The following MAP6 variants were observed in gnomAD, a reference collection of about 807,000 sequenced individuals.
MAP6 encodes the protein microtubule-associated protein 6.
MAP6 carries 26 observed loss-of-function variants against 42.4 expected under a neutral mutation model. The observed-to-expected ratio is 0.61, with a 90% CI of 0.45 to 0.85. The LOEUF (loss-of-function observed/expected upper bound fraction) is 0.85, where lower values mean the gene tolerates loss of function less well. MAP6 is among the 40% of genes least tolerant of loss of function. MAP6 has a pLI of 0.00. For synonymous variants in MAP6, 418 were observed against 443.8 expected, an observed-to-expected ratio of 0.94 and a Z score of 0.73; for missense variants, 966 against 1,099.0, an observed-to-expected ratio of 0.88 and a Z score of 1.71.
chr11:75,667,937 G>C lies in MAP6; in HGVS notation c.433C>G (p.Pro145Ala). ...PSCRPRSEYQ[P>A]SDAPFERETQ... ...TCGCGCTCGAAGGGAGCGTCGGAGG[G>C]CTGGTATTCGCTGCGCGGCCGGCAG... The change falls in exon 1 of 4, where the codon CCC becomes GCC. Residue 145 changes from proline to alanine, a missense_variant. Around this residue, in one of 2 missense-constraint regions of MAP6, gnomAD observed 943 missense variants for 1,049.9 expected, o/e 0.90. Coordinates refer to ENST00000304771, the MANE Select transcript of MAP6 (RefSeq NM_033063.2). This position sits in a 1 kb window ranked among gnomAD's most constrained non-coding sequence, Gnocchi z 5.6. 7.4e-7 allele frequency: 1 copy of C among 1,358,518 alleles called. No homozygotes were observed. Among genetic ancestry groups the C allele is most frequent in the Non-Finnish European group, 9.5e-7 (1 of 1,049,464 alleles). The allele number at this position is 1,358,518 out of a possible 1,614,324, so 84.2% of individuals were successfully genotyped here.
At chr11:75,638,386 C>T (rs955002804) in intron 1 of MAP6, 4 of 152,178 alleles carry the variant, frequency 2.6e-5, no homozygotes, top group Admixed American at 2.0e-4. Context: ...CTAAGGACTC[C>T]GCACTGCCCT....
At position 75,591,447 on chromosome 11, in the gene MAP6, AG is replaced by A. The variant is rs543384410; in HGVS notation, c.1317-3264del. ...CACTGACTGGTCCTCACATGGTTCC[AG>A]TTGCCTGCCAGTCTCCCATCTGTAA... On this transcript the variant is annotated intron_variant, in intron 3 of 3. Transcript: ENST00000304771. Among the ~76,000 whole-genome samples the A allele has an allele frequency of 1.1e-4, 16 of 152,348 alleles. 1 individual carries two copies. In the South Asian group the frequency reaches 3.1e-3, roughly 30 times the overall value.
intron 1 of MAP6, among the ~76,000 whole-genome samples, chr11:75,609,725 T>G (rs1489491127): frequency 2.6e-5 from 4 of 152,234 alleles, no homozygotes; most frequent in Non-Finnish European, 5.9e-5. Flanking sequence ...TTAGGGGAAC[T>G]GGCTCATATG....
At chr11:75,659,121 G>T (rs1280525515) in intron 1 of MAP6, among the ~76,000 whole-genome samples, 3 of 152,210 alleles carry the variant, frequency 2.0e-5, no homozygotes, top group African/African-American at 7.2e-5. Context: ...ATATTAATAT[G>T]ACATGCAGGA....
intron 3 of MAP6, among the ~76,000 whole-genome samples, chr11:75,596,893 AGAG>A (rs1565254051): frequency 1.3e-5 from 2 of 152,244 alleles, no homozygotes; most frequent in Admixed American, 1.3e-4. Context: ...AGCGAGGGAC[AGAG>A]GAGGAGGCTG....
intron 1 of MAP6, among the ~76,000 whole-genome samples, chr11:75,628,626 G>A (rs1470393482): frequency 6.6e-6 from 1 of 152,190 alleles, no homozygotes; most frequent in Admixed American, 6.5e-5. Flanking sequence ...TGACTACTTT[G>A]ACTATTACAT....
At chr11:75,619,926 T>C (rs548349983) in intron 1 of MAP6, among the ~76,000 whole-genome samples, 4 of 152,352 alleles carry the variant, frequency 2.6e-5, no homozygotes, top group Admixed American at 6.5e-5. Flanking sequence ...CTAATTCACA[T>C]TCCCACCAAC....
chr11:75,621,191 T>C (rs1943103884), intron 1 of MAP6, among the ~76,000 whole-genome samples: 1 of 150,596 alleles, frequency 6.6e-6, no homozygotes, highest in Non-Finnish European at 1.5e-5. Context: ...TAAAAAGAAA[T>C]ATTGCTGGGA....
At chr11:75,602,441 G>A (rs2135581937) in intron 3 of MAP6, among the ~76,000 whole-genome samples, 2 of 152,274 alleles carry the variant, frequency 1.3e-5, no homozygotes, top group African/African-American at 4.8e-5. Flanking sequence ...AACATCCACA[G>A]TGACCATAGA....
At chr11:75,624,105 T>C (rs1943157891) in intron 1 of MAP6, among the ~76,000 whole-genome samples, 1 of 152,286 alleles carries the variant, frequency 6.6e-6, no homozygotes, top group East Asian at 1.9e-4. Flanking sequence ...TCTTTTCACA[T>C]TGTAATTTTA....
chr11:75,604,613 CA>C, intron 3 of MAP6: 1 of 984,882 alleles, frequency 1.0e-6, no homozygotes, highest in Non-Finnish European at 1.2e-6. Context: ...TTTTTCACAA[CA>C]ACTCCCTGAC....
chr11:75,654,590 A>T (rs1409142925), intron 1 of MAP6, among the ~76,000 whole-genome samples: 1 of 152,072 alleles, frequency 6.6e-6, no homozygotes, highest in African/African-American at 2.4e-5. Context: ...TTATCTCTCT[A>T]CCCTAGCGTA....
At chr11:75,590,746 C>G (rs1942462699) in intron 3 of MAP6, among the ~76,000 whole-genome samples, 1 of 152,108 alleles carries the variant, frequency 6.6e-6, no homozygotes. Flanking sequence ...GCGGGCAGAT[C>G]ACTTGTGGTC....
intron 3 of MAP6, chr11:75,604,152 G>A (rs745530318): frequency 1.6e-4 from 162 of 985,758 alleles, no homozygotes; most frequent in Non-Finnish European, 1.8e-4. Flanking sequence ...AAGGAAGGTC[G>A]CAGTGGGCCT....
chr11:75,666,717 A>C (rs1943954286), intron 1 of MAP6, among the ~76,000 whole-genome samples: 1 of 152,240 alleles, frequency 6.6e-6, no homozygotes. Context: ...AATATGTTGA[A>C]TATTTAATAT....
intron 1 of MAP6, among the ~76,000 whole-genome samples, chr11:75,658,356 C>A (rs529816626): frequency 1.5e-4 from 23 of 151,830 alleles, no homozygotes; most frequent in Non-Finnish European, 3.2e-4. Context: ...CTCAACTTAC[C>A]CAAAACTGTG....
rs759864831 is a variant in MAP6 at position 75,608,245 on chromosome 11, T to A, written c.983A>T (p.Asp328Val). 3.7e-6 allele frequency: 6 copies of A among 1,614,244 alleles called. No individual in the cohort carries two copies. The South Asian group carries it at 6.6e-5, about 18-fold the overall frequency. ...KAKPQYKPPD[D>V]KMVHETSYSA... The stretch of plus-strand genomic sequence containing the variant: ...GTAGCTGGTCTCATGAACCATCTTA[T>A]CATCTGGGGGCTTGTACTGGGGCTT... Residue 328 changes from aspartate (D) to valine (V), a missense_variant, in exon 2 of 4, where the codon GAT becomes GTT. By Grantham distance (152) the Asp-to-Val change is radical. This residue lies in a region of MAP6 where 943 missense variants were observed against 1,049.9 expected (regional missense o/e 0.90). Transcript: ENST00000304771.
intron 1 of MAP6, among the ~76,000 whole-genome samples, chr11:75,648,727 T>C (rs927365541): frequency 2.0e-5 from 3 of 152,058 alleles, no homozygotes; most frequent in Non-Finnish European, 4.4e-5. Flanking sequence ...TCAGAATCAA[T>C]GCAGGCAAGT....
At chr11:75,634,557 C>T (rs977059548) in intron 1 of MAP6, among the ~76,000 whole-genome samples, 32 of 152,236 alleles carry the variant, frequency 2.1e-4, no homozygotes, top group African/African-American at 5.5e-4. Flanking sequence ...GTGTGAGCCA[C>T]GGCACCCAGC....
Sources: gnomAD v4.1 joint callset for allele counts (sites outside exome capture counted in the v4.1 genomes callset) on GRCh38, gnomAD v4.1.1 for gene constraint, gnomAD v4.1.1 regional missense constraint, Gnocchi (gnomAD v3.1) non-coding constraint, MANE v1.5 for transcripts, NCBI Gene and HGNC (gene_info 2026-07-23, HGNC 2026-07-21) for gene names.